FAM120B: variants seen among roughly 807,000 people sequenced by gnomAD.
The protein encoded by FAM120B is constitutive coactivator of peroxisome proliferator-activated receptor gamma.
Under a neutral mutation model 96.3 loss-of-function variants are expected in FAM120B, and 83 were observed. That is an observed-to-expected ratio of 0.86 (90% CI 0.72 to 1.03). The LOEUF (loss-of-function observed/expected upper bound fraction) is 1.03, where lower values mean the gene tolerates loss of function less well. Among genes scored for constraint, FAM120B ranks in the 50% least tolerant of loss-of-function variants. The pLI is 0.00. For missense variants in FAM120B, 1,027 were observed against 1,121.2 expected (o/e 0.92, Z 1.20); for synonymous variants, 407 against 402.7 (o/e 1.01, Z -0.13).
intron 6 of FAM120B, among the ~76,000 whole-genome samples, chr6:170,378,361 G>A (rs1248756338): frequency 1.3e-5 from 2 of 152,226 alleles, no homozygotes; most frequent in South Asian, 4.2e-4. Context: ...TTGACCTGTG[G>A]ACACCTGGCA....
chr6:170,341,290 C>T (rs2115110738), intron 4 of FAM120B, among the ~76,000 whole-genome samples: 1 of 152,312 alleles, frequency 6.6e-6, no homozygotes, highest in Non-Finnish European at 1.5e-5. Context: ...CCTGGCCTCC[C>T]AGCACTGTTG....
At chr6:170,330,235 C>T (rs1032596404) in intron 3 of FAM120B, among the ~76,000 whole-genome samples, 7 of 152,164 alleles carry the variant, frequency 4.6e-5, no homozygotes, top group Admixed American at 1.3e-4. Context: ...AGGATTTTGT[C>T]GGTTCCACAG....
chr6:170,402,831 CTG>C (rs1245974835), intron 9 of FAM120B, among the ~76,000 whole-genome samples: 5 of 152,238 alleles, frequency 3.3e-5, no homozygotes, highest in Non-Finnish European at 7.3e-5. Context: ...AACAATAAAA[CTG>C]TAATGACCTC....
At chr6:170,389,967 C>T (rs1790396388) in intron 7 of FAM120B, among the ~76,000 whole-genome samples, 1 of 152,102 alleles carries the variant, frequency 6.6e-6, no homozygotes, top group African/African-American at 2.4e-5. Context: ...GAAAATACTC[C>T]CCAAAGGCTG....
At chr6:170,388,583 A>C (rs571098154) in intron 7 of FAM120B, 90 bp downstream of exon 7, 3 of 1,082,228 alleles carry the variant, frequency 2.8e-6, no homozygotes, top group Admixed American at 3.6e-5. Flanking sequence ...GCATTTTTCA[A>C]ATTAATGCTT....
intron 1 of FAM120B, among the ~76,000 whole-genome samples, chr6:170,300,641 C>T (rs1210944033): frequency 1.3e-5 from 2 of 152,198 alleles, no homozygotes; most frequent in African/African-American, 4.8e-5. Flanking sequence ...AAATCACAAG[C>T]AAGTTAGTTA....
chr6:170,384,685 A>C (rs1359085493), intron 6 of FAM120B, among the ~76,000 whole-genome samples: 1 of 152,260 alleles, frequency 6.6e-6, no homozygotes, highest in Non-Finnish European at 1.5e-5. Flanking sequence ...ATCTGTAATC[A>C]CAGTGGGACG....
chr6:170,391,256 C>T (rs765026048), intron 8 of FAM120B, 135 bp downstream of exon 8: 63 of 691,432 alleles, frequency 9.1e-5, no homozygotes, highest in Non-Finnish European at 1.2e-4. Flanking sequence ...ATGATAGGGC[C>T]GGGTGCGGTG....
At chr6:170,306,539 C>T (rs1185102638), upstream of FAM120B, 1 of 152,276 alleles carries the variant, frequency 6.6e-6, no homozygotes, top group African/African-American at 2.4e-5. Context: ...ACTGCGCGAC[C>T]CGAGGTCCGC....
At chr6:170,395,668 T>A in intron 9 of FAM120B, 89 bp downstream of exon 9, 1 of 890,608 alleles carries the variant, frequency 1.1e-6, no homozygotes, top group South Asian at 1.4e-5. Context: ...TTCCTCTGTT[T>A]CAGAAAGGTT....
chr6:170,336,529 C>A (rs1262099581), intron 4 of FAM120B, among the ~76,000 whole-genome samples: 1 of 152,034 alleles, frequency 6.6e-6, no homozygotes, highest in Non-Finnish European at 1.5e-5. Flanking sequence ...CTTTTTGGTT[C>A]CATATGAAAT....
intron 6 of FAM120B, among the ~76,000 whole-genome samples, chr6:170,360,270 C>CA (rs775204879): frequency 1.3e-5 from 2 of 152,204 alleles, no homozygotes; most frequent in African/African-American, 4.8e-5. Flanking sequence ...CTGTGTGCCT[C>CA]AGTGTCCTCT....
rs184404399 is a variant in FAM120B, at chr6:170,350,707, G to A, written c.2190+2384G>A. 4.5e-3 allele frequency among the ~76,000 whole-genome samples: 683 copies of A among 152,168 alleles called. 7 individuals carry two copies. Among genetic ancestry groups the A allele is most frequent in the African/African-American group, 0.016 (670 of 41,502 alleles). ...AATGGCAACAGCCCTACAGTAGAATGGCCTGTTAAAAGAAAAACAGAAAAC... is the reference window on the plus strand; with the variant it reads ...AATGGCAACAGCCCTACAGTAGAATAGCCTGTTAAAAGAAAAACAGAAAAC... On this transcript the variant is annotated intron_variant, in intron 5 of 10. Transcript: ENST00000476287.
chr6:170,315,548 C>T (rs1784850676), intron 1 of FAM120B, among the ~76,000 whole-genome samples: 1 of 152,128 alleles, frequency 6.6e-6, no homozygotes, highest in Non-Finnish European at 1.5e-5. Context: ...GGCTATGTTT[C>T]CAAGATAAAC....
chr6:170,364,549 T>C (rs1788656027), intron 6 of FAM120B, among the ~76,000 whole-genome samples: 1 of 152,252 alleles, frequency 6.6e-6, no homozygotes, highest in African/African-American at 2.4e-5. Context: ...TTTAAAAGTA[T>C]ACATGAGCAT....
In FAM120B at chr6:170,318,649, A is replaced by T. The variant is rs200811562; in HGVS notation, c.1259A>T (p.Glu420Val). Residue 420 changes from glutamate (E) to valine (V), a missense_variant, in exon 2 of 11, where the codon GAA becomes GTA. Transcript: ENST00000476287. ...RQEVPMCTGP[E>V]ARQEVPMYTD... ...GAAGTTCCCATGTGTACAGGCCCTG[A>T]AGCCAGGCAAGAAGTTCCCATGTAT... The T allele has an allele frequency of 1.2e-4, 189 of 1,590,022 alleles. No homozygotes were observed. Among genetic ancestry groups the T allele is most frequent in the East Asian group, 2.4e-4 (10 of 41,432 alleles).
intron 3 of FAM120B, among the ~76,000 whole-genome samples, chr6:170,328,105 T>A (rs1454740369): frequency 6.6e-6 from 1 of 152,222 alleles, no homozygotes; most frequent in Non-Finnish European, 1.5e-5. Flanking sequence ...ACTTTTAAAT[T>A]TATTTAACTT....
chr6:170,353,891 T>C lies in FAM120B; in HGVS notation c.2191-4335T>C, dbSNP rs561236678. Among the ~76,000 whole-genome samples, 3 of 152,268 alleles carry C rather than the reference T, an allele frequency of 2.0e-5. No homozygotes were observed. In the South Asian group the frequency reaches 6.2e-4, roughly 32 times the overall value. ...AATGCTATTCCCATTAAACTACCAT[T>C]GACATTCCTCACAGAATTAGAAAAA... On this transcript the variant is annotated intron_variant, in intron 5 of 10. Coordinates refer to ENST00000476287, the MANE Select transcript of FAM120B (RefSeq NM_032448.3).
intron 4 of FAM120B, 108 bp downstream of exon 4, chr6:170,330,658 C>T: frequency 1.2e-6 from 1 of 802,408 alleles, no homozygotes; most frequent in Non-Finnish European, 2.0e-6. Context: ...TGCACAAATA[C>T]TAGTTTTTAT....
Sources: allele counts gnomAD v4.1 joint callset (sites outside exome capture counted in the v4.1 genomes callset), GRCh38; gene constraint gnomAD v4.1.1; transcripts MANE v1.5; gene names NCBI Gene and HGNC (gene_info 2026-07-23, HGNC 2026-07-21).